PABPC4L: variants seen among roughly 807,000 people sequenced by gnomAD.
PABPC4L encodes the protein poly(A) binding protein cytoplasmic 4 like.
For synonymous variants in PABPC4L, 169 were observed against 164.1 expected, an observed-to-expected ratio of 1.03 and a Z score of -0.23; for missense variants, 452 against 451.4, an observed-to-expected ratio of 1.00 and a Z score of -0.01.
the PABPC4L span, among the ~76,000 whole-genome samples, chr4:134,015,741 G>A: frequency 2.6e-5 from 4 of 152,170 alleles, 1 homozygote; most frequent in South Asian, 8.3e-4. Flanking sequence ...CTAGGACCAG[G>A]ACCGCACCCT....
chr4:134,187,352 A>G, the PABPC4L span, among the ~76,000 whole-genome samples: 1 of 152,012 alleles, frequency 6.6e-6, no homozygotes, highest in African/African-American at 2.4e-5. Context: ...ACCATGGAAT[A>G]CTATTCAGCC....
chr4:134,047,495 T>C, the PABPC4L span, among the ~76,000 whole-genome samples: 1 of 152,146 alleles, frequency 6.6e-6, no homozygotes, highest in Non-Finnish European at 1.5e-5. Context: ...GAAATAATTA[T>C]CTCTAGAAAA....
chr4:134,054,252 GTA>G, the PABPC4L span, among the ~76,000 whole-genome samples: 13,396 of 93,102 alleles, frequency 0.14, 687 homozygotes, highest in Non-Finnish European at 0.18. Context: ...AGTTGTATAT[GTA>G]TATATATATA....
chr4:133,964,303 G>A, the PABPC4L span, among the ~76,000 whole-genome samples: 1 of 150,702 alleles, frequency 6.6e-6, no homozygotes, highest in Admixed American at 6.6e-5. Context: ...CCAATAACAA[G>A]CAGTGAGATT....
the PABPC4L span, among the ~76,000 whole-genome samples, chr4:134,150,676 G>A: frequency 9.2e-5 from 14 of 152,044 alleles, no homozygotes; most frequent in South Asian, 2.1e-4. Context: ...CTGGTACAAA[G>A]ATTTTCCACG....
At position 134,200,842 on chromosome 4, in the gene PABPC4L, G is replaced by T; in HGVS notation, c.178C>A (p.Gln60Lys). The change falls in exon 2 of 2, where the codon CAG becomes AAG. Residue 60 changes from glutamine to lysine, a missense_variant. Physicochemically the swap from Gln to Lys is moderately conservative, Grantham distance 53. Transcript: ENST00000421491. Reference sequence around the variant, plus strand: ...AGCGCCTTCTGGGCATCAGCCAGCTGCAAGAAGTTCACGTAGGCATAGCCC... The same window carrying T: ...AGCGCCTTCTGGGCATCAGCCAGCTTCAAGAAGTTCACGTAGGCATAGCCC... ...SLGYAYVNFL[Q>K]LADAQKALDT... is the part of the protein sequence containing the mutation. 6 of 1,562,392 alleles carry T rather than the reference G, an allele frequency of 3.8e-6. No individual in the cohort carries two copies. The highest frequency in any genetic ancestry group is 5.2e-6 in the Non-Finnish European group (6 of 1,152,978).
At chr4:134,180,771 A>G in the PABPC4L span, among the ~76,000 whole-genome samples, 375 of 152,072 alleles carry the variant, frequency 2.5e-3, 1 homozygote, top group African/African-American at 8.5e-3. Context: ...CACAAGCTAG[A>G]AAATTTAGAG....
At chr4:134,091,436 A>G in the PABPC4L span, among the ~76,000 whole-genome samples, 1 of 151,890 alleles carries the variant, frequency 6.6e-6, no homozygotes, top group Non-Finnish European at 1.5e-5. Context: ...GTTTAAAAGT[A>G]ATTTTTAATT....
At chr4:134,005,468 T>A in the PABPC4L span, among the ~76,000 whole-genome samples, 1 of 151,896 alleles carries the variant, frequency 6.6e-6, no homozygotes, top group Non-Finnish European at 1.5e-5. Flanking sequence ...GAAGAGGATA[T>A]GAATAATGGA....
the PABPC4L span, among the ~76,000 whole-genome samples, chr4:134,004,832 T>C: frequency 6.6e-6 from 1 of 151,828 alleles, no homozygotes; most frequent in Non-Finnish European, 1.5e-5. Flanking sequence ...CTGGAGGATA[T>C]TATGTTAAGG....
the PABPC4L span, among the ~76,000 whole-genome samples, chr4:134,172,493 C>T: frequency 5.9e-5 from 9 of 152,052 alleles, no homozygotes; most frequent in African/African-American, 2.2e-4. Context: ...TTCCTTACAC[C>T]ATATGCAAAA....
the PABPC4L span, among the ~76,000 whole-genome samples, chr4:134,119,031 A>G: frequency 2.0e-5 from 3 of 151,774 alleles, no homozygotes; most frequent in Admixed American, 6.6e-5. Context: ...TTTGTTATCA[A>G]TCATGAGTCT....
chr4:134,185,882 T>A, the PABPC4L span, among the ~76,000 whole-genome samples: 1 of 152,040 alleles, frequency 6.6e-6, no homozygotes, highest in Non-Finnish European at 1.5e-5. Context: ...AGCATTCCTA[T>A]ACACCAATAA....
chr4:134,030,292 G>T, the PABPC4L span, among the ~76,000 whole-genome samples: 1 of 151,982 alleles, frequency 6.6e-6, no homozygotes, highest in African/African-American at 2.4e-5. Flanking sequence ...GAAAAATGTG[G>T]GAAAGTTTGG....
At chr4:134,153,715 T>C in the PABPC4L span, among the ~76,000 whole-genome samples, 2 of 151,850 alleles carry the variant, frequency 1.3e-5, no homozygotes, top group Non-Finnish European at 2.9e-5. Context: ...TGGTGTGATG[T>C]TAGCTCAAAG....
At chr4:134,144,734 C>T in the PABPC4L span, among the ~76,000 whole-genome samples, 1 of 151,674 alleles carries the variant, frequency 6.6e-6, no homozygotes, top group African/African-American at 2.4e-5. Context: ...GCCTTTAGAT[C>T]TATTTTCATC....
chr4:134,194,905 T>G (rs1729614034), downstream of PABPC4L, among the ~76,000 whole-genome samples: 1 of 151,756 alleles, frequency 6.6e-6, no homozygotes, highest in Non-Finnish European at 1.5e-5. Flanking sequence ...TTAAGAGTAA[T>G]GGAAGGCCAT....
the PABPC4L span, among the ~76,000 whole-genome samples, chr4:134,060,520 T>C: frequency 6.6e-6 from 1 of 151,570 alleles, no homozygotes; most frequent in African/African-American, 2.4e-5. Flanking sequence ...CACAGTAAGA[T>C]AGGACACCAG....
chr4:134,180,183 T>G, the PABPC4L span, among the ~76,000 whole-genome samples: 1,365 of 152,082 alleles, frequency 9.0e-3, 11 homozygotes, highest in African/African-American at 0.032. Flanking sequence ...AACAAAATCA[T>G]ACCAACCAGG....
Sources: gnomAD v4.1 joint callset for allele counts (sites outside exome capture counted in the v4.1 genomes callset) on GRCh38, gnomAD v4.1.1 for gene constraint, MANE v1.5 for transcripts, NCBI Gene and HGNC (gene_info 2026-07-23, HGNC 2026-07-21) for gene names.